Variants in NECAB2 observed in about 807,000 individuals in gnomAD.
NECAB2 encodes the protein N-terminal EF-hand calcium binding protein 2.
A neutral mutation model predicts 51.9 loss-of-function variants in NECAB2; 68 were observed. The observed-to-expected ratio is 1.31, with a 90% confidence interval of 1.08 to 1.60. NECAB2 has a LOEUF of 1.60. Among genes scored for constraint, NECAB2 ranks in the 40% most tolerant of loss-of-function variants. The probability of loss-of-function intolerance (pLI) is 0.00; values close to 1 mark genes in which losing one functional copy is unlikely to be tolerated. For missense variants in NECAB2, 854 were observed against 490.3 expected (o/e 1.74, Z -7.00); for synonymous variants, 329 against 203.5 (o/e 1.62, Z -5.25).
At chr16:83,994,872 C>T (rs927202288) in intron 8 of NECAB2, among the ~76,000 whole-genome samples, 184 bp downstream of exon 8, 7 of 152,098 alleles carry the variant, frequency 4.6e-5, no homozygotes, top group African/African-American at 7.2e-5. Context: ...GGGGGATGCT[C>T]GTGTTGTTCA....
At chr16:83,977,172 G>C (rs533689140) in intron 2 of NECAB2, among the ~76,000 whole-genome samples, 3 of 152,354 alleles carry the variant, frequency 2.0e-5, no homozygotes, top group East Asian at 3.9e-4. Flanking sequence ...TTTGAATGCA[G>C]ATCCTCTGGA....
At chr16:83,990,456 C>T (rs550628210) in intron 5 of NECAB2, 38 bp from the exon 6 acceptor site, 7 of 1,608,520 alleles carry the variant, frequency 4.4e-6, no homozygotes, top group South Asian at 3.3e-5. Context: ...TTCCCTCCCA[C>T]CCCTTTCCCC....
At chr16:83,967,154 G>A (rs1481406047), upstream of NECAB2, among the ~76,000 whole-genome samples, 6 of 152,172 alleles carry the variant, frequency 3.9e-5, no homozygotes, top group South Asian at 4.1e-4. Context: ...TCACAGGCAT[G>A]AGCCACCACA....
chr16:83,980,835 G>A lies in NECAB2; in HGVS notation c.336-4G>A, dbSNP rs777608219. ...TCTGTCTCTGCCTCTGTCTGTCTCT[G>A]CAGCCATGTGGACACCAAGGAGCTG... On this transcript the variant is annotated splice_region_variant and splice_polypyrimidine_tract_variant and intron_variant, in intron 3 of 12. Coordinates refer to ENST00000305202, the MANE Select transcript of NECAB2 (RefSeq NM_019065.3). The A allele has an allele frequency of 6.3e-7, 1 of 1,583,960 alleles. No individual in the cohort carries two copies. The highest frequency in any genetic ancestry group is 1.1e-5 in the South Asian group (1 of 88,052).
intron 5 of NECAB2, 27 bp downstream of exon 5, chr16:83,981,154 G>A (rs116141482): frequency 6.4e-6 from 10 of 1,571,446 alleles, no homozygotes; most frequent in Non-Finnish European, 8.7e-6. Flanking sequence ...GGCCCCCGGG[G>A]TCCAGGGCTC....
chr16:83,976,457 T>C (rs1244196360), intron 2 of NECAB2, among the ~76,000 whole-genome samples: 2 of 152,200 alleles, frequency 1.3e-5, no homozygotes, highest in East Asian at 1.9e-4. Context: ...GTGGTGTGAC[T>C]CCACACTGGG....
At position 83,968,857 on chromosome 16, in the gene NECAB2, C is replaced by T. The variant is rs2084318493; in HGVS notation, c.201+8C>T. The stretch of plus-strand genomic sequence containing the variant: ...ACCGCCGTCATCCTGGACGTGAGTA[C>T]GCGCCGGCCGGGACCCCCGCCGTGG... On this transcript the variant is annotated splice_region_variant and intron_variant, in intron 1 of 12. Coordinates refer to ENST00000305202, the MANE Select transcript of NECAB2 (RefSeq NM_019065.3). The T allele has an allele frequency of 2.7e-6, 3 of 1,116,162 alleles. No homozygotes were observed. Among genetic ancestry groups the T allele is most frequent in the Admixed American group, 5.0e-5 (1 of 19,830 alleles). The allele number at this position is 1,116,162 out of a possible 1,614,324, so 69.1% of individuals were successfully genotyped here.
rs1317007679 is a variant in NECAB2, at chr16:83,998,330, C to T, written c.962+13C>T. 2 of 1,611,436 alleles carry T rather than the reference C, an allele frequency of 1.2e-6. No homozygotes were observed. The highest frequency in any genetic ancestry group is 1.7e-5 in the Admixed American group (1 of 59,904). On this transcript the variant is annotated intron_variant, in intron 10 of 12. Coordinates refer to ENST00000305202, the MANE Select transcript of NECAB2 (RefSeq NM_019065.3). ...GGAACTGCTTCCAGTGAGTGAGCTGCCGAGGCGTGGGTGGGATGGTGGCAG... is the reference window on the plus strand; with the variant it reads ...GGAACTGCTTCCAGTGAGTGAGCTGTCGAGGCGTGGGTGGGATGGTGGCAG...
chr16:84,002,018 T>C, intron 12 of NECAB2, 102 bp downstream of exon 12: 2 of 1,328,620 alleles, frequency 1.5e-6, no homozygotes, highest in Non-Finnish European at 1.1e-6. Context: ...CTGCTTGCTG[T>C]GGGCCCACTG....
intron 6 of NECAB2, among the ~76,000 whole-genome samples, chr16:83,992,738 C>T (rs1303810074): frequency 6.6e-6 from 1 of 152,198 alleles, no homozygotes; most frequent in Non-Finnish European, 1.5e-5. Context: ...ATACACATTC[C>T]TGGGCTCCTG....
At chr16:83,985,313 C>CAAAAAAAAAAAAA (rs71148868) in intron 5 of NECAB2, among the ~76,000 whole-genome samples, 8 of 30,194 alleles carry the variant, frequency 2.6e-4, no homozygotes, top group Admixed American at 7.6e-4. Flanking sequence ...ATCTCTGTCT[C>CAAAAAAAAAAAAA]AAAAAAAAAA....
At chr16:83,977,582 CT>C (rs1216315772) in intron 2 of NECAB2, among the ~76,000 whole-genome samples, 4 of 152,212 alleles carry the variant, frequency 2.6e-5, no homozygotes, top group African/African-American at 9.6e-5. Flanking sequence ...CACAGAGCCC[CT>C]CCACAGAGGA....
chr16:84,000,016 C>G (rs141752581), intron 10 of NECAB2, among the ~76,000 whole-genome samples: 1 of 151,362 alleles, frequency 6.6e-6, no homozygotes, highest in Non-Finnish European at 1.5e-5. Context: ...TGTCCTGCAT[C>G]GCTGGGATTA....
chr16:83,987,329 A>G (rs1421541292), intron 5 of NECAB2, among the ~76,000 whole-genome samples: 2 of 152,170 alleles, frequency 1.3e-5, no homozygotes, highest in African/African-American at 2.4e-5. Flanking sequence ...TTCTCATACT[A>G]AATTGCGTTT....
chr16:84,001,036 T>TGCTTCTGTGCCCCTA (rs2084821794), intron 11 of NECAB2, among the ~76,000 whole-genome samples: 1 of 152,052 alleles, frequency 6.6e-6, no homozygotes, highest in African/African-American at 2.4e-5. Flanking sequence ...TCCCCAGGGT[T>TGCTTCTGTGCCCCTA]GCTTCTGTGC....
At chr16:83,987,099 A>G (rs1032608634) in intron 5 of NECAB2, among the ~76,000 whole-genome samples, 1 of 152,202 alleles carries the variant, frequency 6.6e-6, no homozygotes, top group Non-Finnish European at 1.5e-5. Context: ...TCTCAAATCC[A>G]TCTTTCAAAT....
intron 8 of NECAB2, among the ~76,000 whole-genome samples, chr16:83,994,927 G>A (rs2084676456): frequency 6.6e-6 from 1 of 152,190 alleles, no homozygotes; most frequent in African/African-American, 2.4e-5. Flanking sequence ...TGGGGGGTCA[G>A]GCGGGCCTGC....
chr16:83,978,593 G>C, intron 3 of NECAB2, 41 bp downstream of exon 3: 8 of 1,523,492 alleles, frequency 5.3e-6, no homozygotes, highest in Non-Finnish European at 6.4e-6. Context: ...GGTGTGTGTG[G>C]GCTGTGGTGG....
intron 6 of NECAB2, among the ~76,000 whole-genome samples, chr16:83,991,948 C>A (rs2084631187): frequency 6.6e-6 from 1 of 152,080 alleles, no homozygotes; most frequent in Non-Finnish European, 1.5e-5. Context: ...AGCCACCACA[C>A]CCCAGCCCAC....
Sources: allele counts gnomAD v4.1 joint callset (sites outside exome capture counted in the v4.1 genomes callset), GRCh38; gene constraint gnomAD v4.1.1; transcripts MANE v1.5; gene names NCBI Gene and HGNC (gene_info 2026-07-23, HGNC 2026-07-21).